SLMAP: variants seen among roughly 807,000 people sequenced by gnomAD.
The protein encoded by SLMAP is sarcolemma associated protein, also known as sarcolemmal membrane-associated protein.
Under a neutral mutation model 128.8 loss-of-function variants are expected in SLMAP, and 44 were observed. The ratio of observed to expected loss-of-function variants is 0.34; its 90% confidence interval spans 0.27 to 0.44. SLMAP has a LOEUF of 0.44. Among genes scored for constraint, SLMAP ranks in the 20% least tolerant of loss-of-function variants. The pLI is 1.00. For synonymous variants in SLMAP, 327 were observed against 348.8 expected (o/e 0.94, Z 0.70); for missense variants, 787 against 985.3 (o/e 0.80, Z 2.69).
chr3:57,830,074 G>T (rs181891516), intron 2 of SLMAP, among the ~76,000 whole-genome samples: 88 of 152,208 alleles, frequency 5.8e-4, no homozygotes, highest in Admixed American at 5.4e-3. Flanking sequence ...TCGCTCTGTT[G>T]TCCAGGCTGG....
intron 2 of SLMAP, among the ~76,000 whole-genome samples, chr3:57,768,758 A>G (rs984854497): frequency 6.6e-6 from 1 of 152,094 alleles, no homozygotes; most frequent in African/African-American, 2.4e-5. Flanking sequence ...ACTTTGAGTA[A>G]AGCATATTAC....
At chr3:57,892,002 G>A (rs531717668) in intron 15 of SLMAP, among the ~76,000 whole-genome samples, 2 of 152,178 alleles carry the variant, frequency 1.3e-5, no homozygotes, top group East Asian at 3.9e-4. Context: ...ATAAATTATG[G>A]CAAATAAGTC....
At chr3:57,872,750 A>G (rs1420476105) in intron 14 of SLMAP, among the ~76,000 whole-genome samples, 1 of 152,142 alleles carries the variant, frequency 6.6e-6, no homozygotes, top group Non-Finnish European at 1.5e-5. Flanking sequence ...ATCTGTAACA[A>G]TTGCAAGGTT....
chr3:57,790,721 T>C (rs1311280567), intron 2 of SLMAP, among the ~76,000 whole-genome samples: 1 of 152,186 alleles, frequency 6.6e-6, no homozygotes, highest in East Asian at 1.9e-4. Context: ...CTCCTGAATT[T>C]ATACCATATA....
chr3:57,762,323 C>T (rs7611646), intron 2 of SLMAP, among the ~76,000 whole-genome samples: 62 of 150,986 alleles, frequency 4.1e-4, no homozygotes, highest in African/African-American at 1.3e-3. Context: ...GAGCTGAGAT[C>T]GCGCCACTGC....
intron 2 of SLMAP, among the ~76,000 whole-genome samples, chr3:57,782,458 T>C (rs1370116472): frequency 1.3e-5 from 2 of 152,148 alleles, no homozygotes; most frequent in African/African-American, 4.8e-5. Flanking sequence ...AGCCAATGTT[T>C]AGGTGGCCAA....
chr3:57,841,788 A>G (rs942998546), intron 4 of SLMAP, among the ~76,000 whole-genome samples: 12 of 152,118 alleles, frequency 7.9e-5, no homozygotes, highest in Admixed American at 4.6e-4. Flanking sequence ...GAGGATACCA[A>G]TATAGTTGTT....
intron 14 of SLMAP, among the ~76,000 whole-genome samples, chr3:57,873,319 A>G (rs539322183): frequency 6.6e-6 from 1 of 152,218 alleles, no homozygotes; most frequent in South Asian, 2.1e-4. Flanking sequence ...CCTGGCCAAC[A>G]TGGTGAAACC....
At chr3:57,793,353 A>G (rs545415109) in intron 2 of SLMAP, among the ~76,000 whole-genome samples, 1 of 152,284 alleles carries the variant, frequency 6.6e-6, no homozygotes, top group Admixed American at 6.5e-5. Flanking sequence ...AATTTCTAAA[A>G]CATGTATGAT....
chr3:57,927,278 T>A lies in SLMAP; in HGVS notation c.*7-18T>A, dbSNP rs936846732. The A allele has an allele frequency of 1.3e-6, 2 of 1,570,776 alleles. No individual in the cohort carries two copies. The highest frequency in any genetic ancestry group is 1.7e-6 in the Non-Finnish European group (2 of 1,144,814). The stretch of plus-strand genomic sequence containing the variant: ...GAGGGGAGAATGTGATATTGACTCT[T>A]GGTTTCTTTCCACACAGAAACCCTG... On this transcript the variant is annotated intron_variant, in intron 24 of 24. Transcript: ENST00000671191.
At chr3:57,849,911 T>C (rs1003021783) in intron 6 of SLMAP, 95 bp downstream of exon 6, 10 of 760,582 alleles carry the variant, frequency 1.3e-5, no homozygotes, top group Non-Finnish European at 2.3e-5. Flanking sequence ...TGGTGGCTAA[T>C]GCCTGTAATC....
intron 6 of SLMAP, among the ~76,000 whole-genome samples, chr3:57,852,621 A>T (rs535167719): frequency 1.1e-4 from 16 of 152,266 alleles, no homozygotes; most frequent in Non-Finnish European, 2.4e-4. Flanking sequence ...ACCATTCAAT[A>T]GGAAGGCACA....
At chr3:57,916,801 C>T in intron 21 of SLMAP, 105 bp from the exon 22 acceptor site, 2 of 840,222 alleles carry the variant, frequency 2.4e-6, no homozygotes, top group African/African-American at 1.7e-5. Context: ...CTTTTTTTCT[C>T]TGAAATCCAC....
At chr3:57,906,417 G>A (rs978802147) in intron 17 of SLMAP, among the ~76,000 whole-genome samples, 3 of 142,962 alleles carry the variant, frequency 2.1e-5, no homozygotes, top group East Asian at 2.1e-4. Context: ...CCAGGTTCAA[G>A]CAATTCTCGT....
At position 57,757,349 on chromosome 3, in the gene SLMAP, G is replaced by T. The variant is rs1010374235; in HGVS notation, c.-303G>T. 2.2e-6 allele frequency: 1 copy of T among 449,406 alleles called. No individual in the cohort carries two copies. Among genetic ancestry groups the T allele is most frequent in the Non-Finnish European group, 4.1e-6 (1 of 243,676 alleles). The allele number at this position is 449,406 out of a possible 1,614,324, so 27.8% of individuals were successfully genotyped here. A position where few individuals can be genotyped will look rare whatever the true frequency, so the allele number is the denominator to read the frequency against. ...AAACTGTGTTCCAGGAGTTTTCTTGGCCGAAGCTGCCCGATGTTTGAGCCT... is the reference window on the plus strand; with the variant it reads ...AAACTGTGTTCCAGGAGTTTTCTTGTCCGAAGCTGCCCGATGTTTGAGCCT... On this transcript the variant is annotated 5_prime_UTR_variant, in exon 2 of 25. Transcript: ENST00000671191.
In SLMAP at chr3:57,916,908, C is replaced by A. The variant is rs138424195; in HGVS notation, c.2141C>A (p.Ser714Tyr). The A allele has an allele frequency of 3.1e-6, 5 of 1,611,826 alleles. No homozygotes were observed. The highest frequency in any genetic ancestry group is 4.2e-6 in the Non-Finnish European group (5 of 1,178,506). Residue 714 changes from serine to tyrosine, a missense_variant and splice_region_variant, in exon 22 of 25, where the codon TCT becomes TAT. Ser to Tyr is a moderately radical substitution (Grantham distance 144, BLOSUM62 -2). Transcript: ENST00000671191. ...LQRQEKELHN[S>Y]QKQSLELTSD... ...ATCTGTCAATATTTATATTGCAGTT[C>A]TCAGAAGCAGAGTTTAGAGCTTACC...
chr3:57,759,737 G>A (rs995157195), intron 2 of SLMAP, among the ~76,000 whole-genome samples: 5 of 152,122 alleles, frequency 3.3e-5, no homozygotes, highest in African/African-American at 9.7e-5. Flanking sequence ...CAACAGGTTG[G>A]CTCACAGTAC....
intron 3 of SLMAP, 115 bp downstream of exon 3, chr3:57,831,645 C>A: frequency 3.2e-6 from 2 of 631,620 alleles, no homozygotes; most frequent in Non-Finnish European, 4.9e-6. Context: ...TTAAATACAG[C>A]ATTATATACA....
At chr3:57,899,005 A>G (rs1484899448) in intron 17 of SLMAP, 1 of 152,232 alleles carries the variant, frequency 6.6e-6, no homozygotes, top group Non-Finnish European at 1.5e-5. Flanking sequence ...ACTGATCATG[A>G]TGATGATGGT....
Sources: gnomAD v4.1 joint callset for allele counts (sites outside exome capture counted in the v4.1 genomes callset) on GRCh38, gnomAD v4.1.1 for gene constraint, MANE v1.5 for transcripts, NCBI Gene and HGNC (gene_info 2026-07-23, HGNC 2026-07-21) for gene names.